Variants in MAP3K5 observed in about 807,000 individuals in gnomAD.
The protein encoded by MAP3K5 is ASK-1.
MAP3K5 carries 56 observed loss-of-function variants against 158.7 expected under a neutral mutation model. The ratio of observed to expected loss-of-function variants is 0.35; its 90% CI spans 0.28 to 0.44. The LOEUF (loss-of-function observed/expected upper bound fraction) is 0.44, where lower values mean the gene tolerates loss of function less well. Ranked by LOEUF, MAP3K5 falls within the 20% of genes least tolerant of loss-of-function variation. MAP3K5 has a pLI of 1.00. For synonymous variants in MAP3K5, 579 were observed against 601.7 expected, an observed-to-expected ratio of 0.96 and a Z score of 0.55; for missense variants, 1,294 against 1,674.8, an observed-to-expected ratio of 0.77 and a Z score of 3.97.
At chr6:136,788,279 C>A (rs1784927953) in intron 1 of MAP3K5, among the ~76,000 whole-genome samples, 1 of 152,152 alleles carries the variant, frequency 6.6e-6, no homozygotes, top group Non-Finnish European at 1.5e-5. Flanking sequence ...AAAATTCATT[C>A]AAGATGGATT....
At chr6:136,701,046 AG>A (rs1445015236) in intron 3 of MAP3K5, among the ~76,000 whole-genome samples, 1 of 152,226 alleles carries the variant, frequency 6.6e-6, no homozygotes, top group Non-Finnish European at 1.5e-5. Context: ...CAACCTACAA[AG>A]AAGCTGCTGT....
chr6:136,604,808 T>TA (rs1776034268), intron 19 of MAP3K5, among the ~76,000 whole-genome samples: 5 of 152,090 alleles, frequency 3.3e-5, no homozygotes, highest in Non-Finnish European at 7.3e-5. Flanking sequence ...ACTATTATGG[T>TA]AGAGAAGTAA....
chr6:136,754,163 T>C (rs562503551), intron 1 of MAP3K5, among the ~76,000 whole-genome samples: 1 of 151,962 alleles, frequency 6.6e-6, no homozygotes, highest in Non-Finnish European at 1.5e-5. Context: ...ATCCCAGCTA[T>C]TCAGGAGGCT....
intron 7 of MAP3K5, among the ~76,000 whole-genome samples, chr6:136,681,561 A>C (rs937403493): frequency 2.0e-5 from 3 of 152,036 alleles, no homozygotes; most frequent in Admixed American, 2.0e-4. Context: ...TGAACCCAGG[A>C]GGTTGAGGCT....
intron 1 of MAP3K5, among the ~76,000 whole-genome samples, chr6:136,773,713 T>C (rs894582248): frequency 6.6e-6 from 1 of 152,142 alleles, no homozygotes; most frequent in African/African-American, 2.4e-5. Flanking sequence ...AGTGGTACGA[T>C]CTCAGCTCAC....
At chr6:136,775,900 A>ACC (rs779692658) in intron 1 of MAP3K5, among the ~76,000 whole-genome samples, 6 of 152,218 alleles carry the variant, frequency 3.9e-5, no homozygotes, top group Non-Finnish European at 8.8e-5. Flanking sequence ...TTCAAATTAG[A>ACC]AGTTAACTTG....
intron 21 of MAP3K5, among the ~76,000 whole-genome samples, chr6:136,593,007 G>A (rs1775463943): frequency 6.6e-6 from 1 of 152,070 alleles, no homozygotes; most frequent in Admixed American, 6.5e-5. Context: ...GTTCTTCAGG[G>A]GCTTAAGTGT....
chr6:136,784,143 T>C (rs560164080), intron 1 of MAP3K5, among the ~76,000 whole-genome samples: 1 of 152,120 alleles, frequency 6.6e-6, no homozygotes, highest in Non-Finnish European at 1.5e-5. Context: ...CACCCAGAGA[T>C]GGAACCAGCT....
At chr6:136,737,095 A>C (rs1415681719) in intron 1 of MAP3K5, among the ~76,000 whole-genome samples, 1 of 148,986 alleles carries the variant, frequency 6.7e-6, no homozygotes, top group Non-Finnish European at 1.5e-5. Flanking sequence ...CTTTAAAAGA[A>C]GGCTATCGAC....
At chr6:136,683,382 G>A (rs1468194115) in intron 7 of MAP3K5, among the ~76,000 whole-genome samples, 1 of 152,182 alleles carries the variant, frequency 6.6e-6, no homozygotes, top group East Asian at 1.9e-4. Flanking sequence ...AGCTAATCTG[G>A]GTTGGTCTTG....
chr6:136,742,430 GAAA>G (rs900670451), intron 1 of MAP3K5, among the ~76,000 whole-genome samples: 1 of 140,568 alleles, frequency 7.1e-6, no homozygotes, highest in Non-Finnish European at 1.6e-5. Context: ...ACCTCTACAT[GAAA>G]AAAAAAACAA....
chr6:136,673,876 A>T (rs1380771834), intron 7 of MAP3K5, among the ~76,000 whole-genome samples: 1 of 152,108 alleles, frequency 6.6e-6, no homozygotes, highest in African/African-American at 2.4e-5. Flanking sequence ...AAACATTTCA[A>T]AACTGATGAA....
chr6:136,740,705 T>C (rs1782673444), intron 1 of MAP3K5, among the ~76,000 whole-genome samples: 1 of 152,256 alleles, frequency 6.6e-6, no homozygotes, highest in African/African-American at 2.4e-5. Context: ...CATTTTTCCT[T>C]GGATTCTCGA....
intron 25 of MAP3K5, among the ~76,000 whole-genome samples, chr6:136,574,683 CTTTTTTT>C (rs1223054758): frequency 2.9e-4 from 31 of 108,540 alleles, no homozygotes; most frequent in African/African-American, 8.1e-4. Context: ...AGATTAAACA[CTTTTTTT>C]TTTTTTTTTT....
At chr6:136,574,790 T>C (rs368236594) in intron 25 of MAP3K5, among the ~76,000 whole-genome samples, 55 of 149,876 alleles carry the variant, frequency 3.7e-4, no homozygotes, top group Middle Eastern at 6.8e-3. Context: ...CTGGGGTTCA[T>C]GCCATTCTCC....
intron 15 of MAP3K5, among the ~76,000 whole-genome samples, chr6:136,622,590 A>T (rs572117032): frequency 6.8e-4 from 104 of 152,274 alleles, no homozygotes; most frequent in Non-Finnish European, 1.1e-3. Context: ...CACATAATAC[A>T]TCCACCTTTA....
At chr6:136,654,103 G>A (rs924377326) in intron 10 of MAP3K5, among the ~76,000 whole-genome samples, 10 of 152,164 alleles carry the variant, frequency 6.6e-5, no homozygotes, top group African/African-American at 1.9e-4. Context: ...CCTACCACTC[G>A]CAGATAACTA....
Position 136,672,092 on chromosome 6 carries a change from T to C in MAP3K5, c.1254-2697A>G, listed in dbSNP as rs987542962. On this transcript the variant is annotated intron_variant, in intron 7 of 29. Transcript: ENST00000359015. The stretch of plus-strand genomic sequence containing the variant: ...TCCAATAATACTATAAAGTATAACA[T>C]GGAATAAAATATTATACAAATGTTG... 9.9e-5 allele frequency among the ~76,000 whole-genome samples: 15 copies of C among 152,234 alleles called. 1 individual carries two copies. Among genetic ancestry groups the C allele is most frequent in the Admixed American group, 9.8e-4 (15 of 15,284 alleles).
At chr6:136,673,437 C>T (rs891797874) in intron 7 of MAP3K5, among the ~76,000 whole-genome samples, 2 of 151,988 alleles carry the variant, frequency 1.3e-5, no homozygotes, top group African/African-American at 2.4e-5. Context: ...ACAGATAATT[C>T]GGATGCTGGA....
Sources: gnomAD v4.1 joint callset for allele counts (sites outside exome capture counted in the v4.1 genomes callset) on GRCh38, gnomAD v4.1.1 for gene constraint, MANE v1.5 for transcripts, NCBI Gene and HGNC (gene_info 2026-07-23, HGNC 2026-07-21) for gene names.